SLC22A4: variants seen among roughly 807,000 people sequenced by gnomAD.
The protein encoded by SLC22A4 is solute carrier family 22 member 4, also known as ET transporter.
Under a neutral mutation model 56.6 loss-of-function variants are expected in SLC22A4, and 39 were observed. The ratio of observed to expected loss-of-function variants is 0.69; its 90% confidence interval spans 0.53 to 0.90. SLC22A4 has a LOEUF of 0.90. Among genes scored for constraint, SLC22A4 ranks in the 40% least tolerant of loss-of-function variants. The probability of loss-of-function intolerance (pLI) is 0.00; values close to 1 mark genes in which losing one functional copy is unlikely to be tolerated. For synonymous variants in SLC22A4, 241 were observed against 281.4 expected (o/e 0.86, Z 1.44); for missense variants, 594 against 696.5 (o/e 0.85, Z 1.66).
chr5:132,342,326 A>C (rs1238896565), intron 9 of SLC22A4, among the ~76,000 whole-genome samples: 5 of 152,232 alleles, frequency 3.3e-5, no homozygotes, highest in Non-Finnish European at 5.9e-5. Flanking sequence ...TTTACAGAAG[A>C]AGTCACTTCA....
chr5:132,310,122 T>C (rs1191860531), intron 1 of SLC22A4, among the ~76,000 whole-genome samples: 1 of 152,222 alleles, frequency 6.6e-6, no homozygotes, highest in Non-Finnish European at 1.5e-5. Flanking sequence ...TCATATTTAA[T>C]AAGCTCATTT....
At chr5:132,339,435 C>A (rs916425727) in intron 8 of SLC22A4, among the ~76,000 whole-genome samples, 2 of 151,116 alleles carry the variant, frequency 1.3e-5, no homozygotes, top group Non-Finnish European at 2.9e-5. Context: ...TGCAGACACA[C>A]CTCATCAATT....
At chr5:132,323,897 A>G (rs1247933054) in intron 4 of SLC22A4, among the ~76,000 whole-genome samples, 1 of 152,212 alleles carries the variant, frequency 6.6e-6, no homozygotes, top group Non-Finnish European at 1.5e-5. Context: ...CAGTACTTTC[A>G]AAATGTTATA....
At chr5:132,308,559 A>T (rs1011138020) in intron 1 of SLC22A4, among the ~76,000 whole-genome samples, 2 of 151,654 alleles carry the variant, frequency 1.3e-5, no homozygotes, top group Non-Finnish European at 2.9e-5. Flanking sequence ...CACTCCACAC[A>T]CTGTTACTGT....
chr5:132,313,915 C>T, intron 3 of SLC22A4, 147 bp downstream of exon 3: 1 of 883,812 alleles, frequency 1.1e-6, no homozygotes, highest in Non-Finnish European at 1.8e-6. Context: ...GCTCTTGGAG[C>T]AAGTCAGGGG....
intron 1 of SLC22A4, among the ~76,000 whole-genome samples, chr5:132,310,922 A>G (rs1580825433): frequency 3.3e-5 from 5 of 152,318 alleles, no homozygotes; most frequent in Admixed American, 3.3e-4. Flanking sequence ...GCCCGTGGAC[A>G]GGATAGTCTA....
intron 3 of SLC22A4, among the ~76,000 whole-genome samples, chr5:132,314,668 A>T (rs1750283592): frequency 6.6e-6 from 1 of 152,194 alleles, no homozygotes. Context: ...TTCTTGCCTC[A>T]AAAGTCCGAA....
chr5:132,306,384 AATATATATATATATATAT>A (rs55779142), intron 1 of SLC22A4, among the ~76,000 whole-genome samples: 731 of 30,508 alleles, frequency 0.024, 24 homozygotes, highest in Admixed American at 0.042. Context: ...CAAACCGTGA[AATATATATATATATATAT>A]ATATATATAT....
intron 1 of SLC22A4, chr5:132,311,154 G>T (rs747772092): frequency 3.9e-5 from 6 of 152,216 alleles, no homozygotes; most frequent in Non-Finnish European, 8.8e-5. Context: ...ATTGTTTGGC[G>T]AATGCAGTAA....
At chr5:132,297,305 C>G (rs1395202842) in intron 1 of SLC22A4, among the ~76,000 whole-genome samples, 1 of 151,648 alleles carries the variant, frequency 6.6e-6, no homozygotes, top group African/African-American at 2.4e-5. Context: ...GTGACAGAGC[C>G]AGACTGTGTC....
chr5:132,300,823 G>A (rs1046347327), intron 1 of SLC22A4, among the ~76,000 whole-genome samples: 4 of 152,230 alleles, frequency 2.6e-5, no homozygotes, highest in Non-Finnish European at 4.4e-5. Context: ...GAGCAGGAAC[G>A]CAAGCAGGGA....
intron 1 of SLC22A4, among the ~76,000 whole-genome samples, chr5:132,304,286 A>G (rs1180010042): frequency 6.6e-6 from 1 of 152,234 alleles, no homozygotes; most frequent in African/African-American, 2.4e-5. Context: ...TAGTGAGGCT[A>G]ACAGCTGGGT....
chr5:132,343,683 A>G, intron 9 of SLC22A4, 77 bp from the exon 10 acceptor site: 1 of 865,654 alleles, frequency 1.2e-6, no homozygotes. Flanking sequence ...ATATTTTTCA[A>G]TGTCAATTTG....
At position 132,313,657 on chromosome 5, in the gene SLC22A4, A is replaced by T; in HGVS notation, c.541A>T (p.Thr181Ser). 6.2e-7 allele frequency: 1 copy of T among 1,614,194 alleles called. No individual in the cohort carries two copies. Among genetic ancestry groups the T allele is most frequent in the Non-Finnish European group, 8.5e-7 (1 of 1,180,000 alleles). Residue 181 changes from threonine to serine, a missense_variant, in exon 3 of 10, where the codon ACT (threonine) becomes TCT (serine). Thr to Ser is a moderately conservative substitution (Grantham distance 58). Transcript: ENST00000200652. ...NVLFATMAVQ[T>S]GFSFLQIFSI... ...TCTCTTCGCAACCATGGCTGTACAG[A>T]CTGGCTTCAGCTTCCTGCAGATTTT...
At chr5:132,316,383 G>A (rs1038041688) in intron 3 of SLC22A4, among the ~76,000 whole-genome samples, 2 of 152,100 alleles carry the variant, frequency 1.3e-5, no homozygotes, top group African/African-American at 4.8e-5. Context: ...ATGACCACTC[G>A]GGACCAAGGA....
chr5:132,318,722 C>T (rs964735158), intron 3 of SLC22A4, among the ~76,000 whole-genome samples: 16 of 152,154 alleles, frequency 1.1e-4, no homozygotes, highest in South Asian at 4.1e-4. Flanking sequence ...TGCTGGCCCT[C>T]ATCCTAGCCA....
chr5:132,329,470 A>G (rs1171444282), intron 5 of SLC22A4, among the ~76,000 whole-genome samples: 2 of 112,452 alleles, frequency 1.8e-5, no homozygotes, highest in African/African-American at 4.2e-5. Flanking sequence ...CTCATTGCTC[A>G]TGCTTTTTTT....
At chr5:132,340,194 T>C (rs948052831) in intron 8 of SLC22A4, among the ~76,000 whole-genome samples, 2 of 147,518 alleles carry the variant, frequency 1.4e-5, no homozygotes, top group Non-Finnish European at 3.0e-5. Context: ...CCCTGAAACA[T>C]CCTGGTTAAC....
At chr5:132,303,543 C>T (rs1340589754) in intron 1 of SLC22A4, among the ~76,000 whole-genome samples, 4 of 152,106 alleles carry the variant, frequency 2.6e-5, no homozygotes, top group Non-Finnish European at 1.5e-5. Context: ...AGCAGCCCAC[C>T]AAGAGGGACA....
Sources: allele counts gnomAD v4.1 joint callset (sites outside exome capture counted in the v4.1 genomes callset), GRCh38; gene constraint gnomAD v4.1.1; transcripts MANE v1.5; gene names NCBI Gene and HGNC (gene_info 2026-07-23, HGNC 2026-07-21).